OR10G3: variants seen among roughly 807,000 people sequenced by gnomAD.
OR10G3 encodes olfactory receptor 10G3.
Under a neutral mutation model 13.4 loss-of-function variants are expected in OR10G3, and 8 were observed. The observed-to-expected ratio is 0.60, with a 90% CI of 0.35 to 1.08. The LOEUF (loss-of-function observed/expected upper bound fraction) is 1.08. OR10G3 is among the 50% of genes least tolerant of loss of function. The probability of loss-of-function intolerance (pLI) is 0.02; values close to 1 mark genes in which losing one functional copy is unlikely to be tolerated. For missense variants in OR10G3, 393 were observed against 386.6 expected, an observed-to-expected ratio of 1.02 and a Z score of -0.14; for synonymous variants, 142 against 156.1, an observed-to-expected ratio of 0.91 and a Z score of 0.67.
At chr14:21,576,219 A>G (rs1310374561) in intron 1 of OR10G3, among the ~76,000 whole-genome samples, 1 of 152,218 alleles carries the variant, frequency 6.6e-6, no homozygotes, top group East Asian at 1.9e-4. Flanking sequence ...CTATTCAAGT[A>G]CCTGAGAGAA....
chr14:21,572,262 G>A (rs1209501944), intron 1 of OR10G3, among the ~76,000 whole-genome samples: 1 of 99,666 alleles, frequency 1.0e-5, no homozygotes, highest in Non-Finnish European at 1.9e-5. Context: ...CTCCAGCCTG[G>A]GCAAAAGAGT....
rs187904328 is a variant in OR10G3, at chr14:21,573,410, C to T, written c.-17-2649G>A. The stretch of plus-strand genomic sequence containing the variant: ...AGTTTCAGCTGGGTGCAGTGGCTCA[C>T]GCCTGTAATCCCAGCACTTTGGGAG... On this transcript the variant is annotated intron_variant, in intron 1 of 1. Transcript: ENST00000641040. 2.6e-3 allele frequency among the ~76,000 whole-genome samples: 392 copies of T among 152,166 alleles called. 1 individual carries two copies. The highest frequency in any genetic ancestry group is 8.7e-3 in the African/African-American group (363 of 41,508).
chr14:21,575,095 T>G (rs548993286), intron 1 of OR10G3, among the ~76,000 whole-genome samples: 1 of 152,296 alleles, frequency 6.6e-6, no homozygotes, highest in African/African-American at 2.4e-5. Flanking sequence ...TTTATTTTGT[T>G]TTTTGAGACA....
intron 1 of OR10G3, among the ~76,000 whole-genome samples, chr14:21,576,342 C>T (rs1317154540): frequency 6.6e-6 from 1 of 152,138 alleles, no homozygotes; most frequent in East Asian, 1.9e-4. Flanking sequence ...CTTCATGGTC[C>T]CTGGAAATGA....
In OR10G3 at chr14:21,570,461, A is replaced by G; in HGVS notation, c.284T>C (p.Phe95Ser). The G allele has an allele frequency of 6.2e-7, 1 of 1,614,170 alleles. No individual in the cohort carries two copies. The highest frequency in any genetic ancestry group is 8.5e-7 in the Non-Finnish European group (1 of 1,180,028). The change falls in exon 2 of 2, where the codon TTT becomes TCT. Residue 95 changes from phenylalanine to serine, a missense_variant. Phe to Ser is a radical substitution (Grantham distance 155). Transcript: ENST00000641040. ...ATAGAGTTGAGCAACACAGCCACCA[A>G]ATGGGATGGGTTTGACACCTAAAGT... ...NFTLGVKPIPFGGCVAQLYFY... is the reference protein window; with the variant it reads ...NFTLGVKPIPSGGCVAQLYFY...
At chr14:21,577,292 C>T (rs1342397034) in intron 1 of OR10G3, among the ~76,000 whole-genome samples, 1 of 152,046 alleles carries the variant, frequency 6.6e-6, no homozygotes, top group Admixed American at 6.6e-5. Context: ...CCTCCGGGGA[C>T]CAGAGTGATA....
At chr14:21,575,189 C>T (rs1292938831) in intron 1 of OR10G3, among the ~76,000 whole-genome samples, 1 of 151,824 alleles carries the variant, frequency 6.6e-6, no homozygotes, top group Non-Finnish European at 1.5e-5. Context: ...TCTCGCCATT[C>T]TCCCGCCTCA....
At chr14:21,577,177 A>T (rs1876760761) in intron 1 of OR10G3, among the ~76,000 whole-genome samples, 1 of 147,524 alleles carries the variant, frequency 6.8e-6, no homozygotes, top group Admixed American at 6.6e-5. Context: ...AAATGCTTTC[A>T]AAAATAAAAG....
At position 21,570,648 on chromosome 14, in the gene OR10G3, G is replaced by GA. The variant is rs889281734; in HGVS notation, c.96dup (p.Leu33SerfsTer39). 4 of 1,612,648 alleles carry GA rather than the reference G, an allele frequency of 2.5e-6. No homozygotes were observed. The highest frequency in any genetic ancestry group is 2.5e-6 in the Non-Finnish European group (3 of 1,179,940). On this transcript the variant is annotated frameshift_variant, in exon 2 of 2. Transcript: ENST00000641040. LOFTEE classifies it high-confidence loss of function. ...CCCAGCTGAGTCAGGATGTAGATTA[G>GA]AAAAAAGAACACAAAAAAGAGTGTC...
Position 21,570,572 on chromosome 14 carries a change from C to T in OR10G3, c.173G>A (p.Arg58His), listed in dbSNP as rs571520315. Residue 58 changes from arginine to histidine, a missense_variant, in exon 2 of 2, where the codon CGC (arginine) becomes CAC (histidine). Coordinates refer to ENST00000641040, the MANE Select transcript of OR10G3 (RefSeq NM_001005465.2). ...TVWADPRLHA[R>H]PMYIFLGVLS... ...AACACCAAGAAAGATGTACATGGGGCGGGCATGGAGCCTTGGGTCTGCCCA... is the reference window on the plus strand; with the variant it reads ...AACACCAAGAAAGATGTACATGGGGTGGGCATGGAGCCTTGGGTCTGCCCA... 2.7e-4 allele frequency: 442 copies of T among 1,614,040 alleles called. 4 individuals are homozygous for T. In the South Asian group the frequency reaches 3.8e-3, roughly 14 times the overall value.
intron 1 of OR10G3, among the ~76,000 whole-genome samples, chr14:21,574,042 G>A (rs986959692): frequency 6.6e-6 from 1 of 152,068 alleles, no homozygotes; most frequent in Admixed American, 6.5e-5. Context: ...GGTGGCTGAC[G>A]CCTGTAATCC....
At chr14:21,577,021 C>T (rs1036137858) in intron 1 of OR10G3, among the ~76,000 whole-genome samples, 22 of 151,566 alleles carry the variant, frequency 1.5e-4, no homozygotes, top group Admixed American at 6.1e-4. Flanking sequence ...TTCCCTTTAC[C>T]TCTGATCTGT....
Position 21,578,918 on chromosome 14 carries a change from C to T in OR10G3, c.-18+868G>A, listed in dbSNP as rs545921781. Among the ~76,000 whole-genome samples the T allele has an allele frequency of 5.3e-5, 8 of 151,848 alleles. No individual in the cohort carries two copies. The South Asian group carries it at 1.7e-3, about 32-fold the overall frequency. ...GACAATTTCTATTAAAATGTAAAAC[C>T]CTTATTAGCAATGAGTTAGAATTGT... On this transcript the variant is annotated intron_variant, in intron 1 of 1. Transcript: ENST00000641040.
At chr14:21,572,767 T>C (rs941218634) in intron 1 of OR10G3, among the ~76,000 whole-genome samples, 1 of 152,212 alleles carries the variant, frequency 6.6e-6, no homozygotes, top group African/African-American at 2.4e-5. Context: ...CTGGGCTCTG[T>C]ATTCTGTCAT....
At chr14:21,573,376 A>G (rs988630719) in intron 1 of OR10G3, among the ~76,000 whole-genome samples, 1 of 152,130 alleles carries the variant, frequency 6.6e-6, no homozygotes, top group Admixed American at 6.6e-5. Flanking sequence ...TGTTGATCAA[A>G]AGGTACAAAG....
At chr14:21,573,094 G>A (rs766658140) in intron 1 of OR10G3, among the ~76,000 whole-genome samples, 11 of 152,114 alleles carry the variant, frequency 7.2e-5, no homozygotes, top group African/African-American at 2.2e-4. Flanking sequence ...GGAAGAAAAC[G>A]GGAAAAGTTC....
intron 1 of OR10G3, among the ~76,000 whole-genome samples, chr14:21,573,602 G>A (rs993906060): frequency 3.3e-5 from 5 of 151,588 alleles, no homozygotes; most frequent in South Asian, 4.2e-4. Context: ...AACCCAGGAG[G>A]TGGAGGTTGT....
chr14:21,570,231 G>A lies in OR10G3; in HGVS notation c.514C>T (p.Pro172Ser). 6.2e-7 allele frequency: 1 copy of A among 1,614,188 alleles called. No individual in the cohort carries two copies. Among genetic ancestry groups the A allele is most frequent in the South Asian group, 1.1e-5 (1 of 91,086 alleles). Residue 172 changes from proline (P) to serine (S), a missense_variant, in exon 2 of 2, where the codon CCC (proline) becomes TCC (serine). Coordinates refer to ENST00000641040, the MANE Select transcript of OR10G3 (RefSeq NM_001005465.2). ...CAGAAGAAGTAATCCACCTGATTGG[G>A]CCCACAGTAGGGCAGGCGGAAGGTT... ...ILTFRLPYCGPNQVDYFFCDI... is the reference protein window; with the variant it reads ...ILTFRLPYCGSNQVDYFFCDI...
intron 1 of OR10G3, among the ~76,000 whole-genome samples, chr14:21,572,608 C>CAAAAA (rs397852312): frequency 0.025 from 2,732 of 109,352 alleles, 2 homozygotes; most frequent in East Asian, 0.036. Flanking sequence ...AACAAACAAA[C>CAAAAA]AAAAAAAAAA....
Sources: gnomAD v4.1 joint callset for allele counts (sites outside exome capture counted in the v4.1 genomes callset) on GRCh38, gnomAD v4.1.1 for gene constraint, MANE v1.5 for transcripts, NCBI Gene and HGNC (gene_info 2026-07-23, HGNC 2026-07-21) for gene names.